CHSY3: variants seen among roughly 807,000 people sequenced by gnomAD.
CHSY3 encodes the protein N-acetylgalactosaminyl-proteoglycan 3-beta-glucuronosyltransferase 3.
Under a neutral mutation model 67.2 loss-of-function variants are expected in CHSY3, and 35 were observed. The observed-to-expected ratio is 0.52, with a 90% confidence interval of 0.40 to 0.69. The LOEUF is 0.69. Ranked by LOEUF, CHSY3 falls within the 30% of genes least tolerant of loss-of-function variation. CHSY3 has a pLI of 0.00. For missense variants in CHSY3, 1,069 were observed against 1,138.5 expected, an observed-to-expected ratio of 0.94 and a Z score of 0.88; for synonymous variants, 474 against 434.7, an observed-to-expected ratio of 1.09 and a Z score of -1.12.
At chr5:130,041,784 T>C (rs1655807980) in intron 2 of CHSY3, among the ~76,000 whole-genome samples, 3 of 152,140 alleles carry the variant, frequency 2.0e-5, no homozygotes, top group African/African-American at 7.2e-5. Flanking sequence ...ATAATGAGGA[T>C]TAAATGCATA....
intron 2 of CHSY3, among the ~76,000 whole-genome samples, chr5:130,113,112 G>A (rs747444126): frequency 7.2e-5 from 2 of 27,924 alleles, no homozygotes; most frequent in Admixed American, 5.1e-4. Flanking sequence ...GATATAATAC[G>A]TGTGTGTGTG....
chr5:129,951,055 T>C (rs1762010521), intron 2 of CHSY3, among the ~76,000 whole-genome samples: 1 of 152,026 alleles, frequency 6.6e-6, no homozygotes, highest in African/African-American at 2.4e-5. Context: ...CAAAGACCAA[T>C]AGGGCAGAAT....
intron 2 of CHSY3, among the ~76,000 whole-genome samples, chr5:130,009,480 A>C (rs1286193937): frequency 6.6e-6 from 1 of 152,046 alleles, no homozygotes; most frequent in East Asian, 1.9e-4. Flanking sequence ...CTAGACATGA[A>C]ATCAAAAGAC....
At position 129,969,856 on chromosome 5, in the gene CHSY3, G is replaced by A. The variant is rs1363301756; in HGVS notation, c.1086+61496G>A. ...TAATGCAATTAGGCAGTTTCTTTCTGTTGTATCAAAAAGAAAATAAGGAAC... is the reference window on the plus strand; with the variant it reads ...TAATGCAATTAGGCAGTTTCTTTCTATTGTATCAAAAAGAAAATAAGGAAC... On this transcript the variant is annotated intron_variant, in intron 2 of 2. Transcript: ENST00000305031. Among the ~76,000 whole-genome samples the A allele has an allele frequency of 2.6e-5, 4 of 151,908 alleles. No individual in the cohort carries two copies. The East Asian group carries it at 7.7e-4, about 29-fold the overall frequency.
chr5:130,130,218 C>G (rs990949657), intron 2 of CHSY3, among the ~76,000 whole-genome samples: 1 of 152,068 alleles, frequency 6.6e-6, no homozygotes, highest in Non-Finnish European at 1.5e-5. Flanking sequence ...CTCTTTCTCT[C>G]TCTCCTATTT....
At chr5:129,952,093 G>GA (rs1245219105) in intron 2 of CHSY3, among the ~76,000 whole-genome samples, 1 of 152,128 alleles carries the variant, frequency 6.6e-6, no homozygotes, top group African/African-American at 2.4e-5. Context: ...GGAGGTAAAG[G>GA]AAAAAGAGCT....
At chr5:130,088,772 T>G (rs1350629771) in intron 2 of CHSY3, among the ~76,000 whole-genome samples, 3 of 152,158 alleles carry the variant, frequency 2.0e-5, no homozygotes. Context: ...ACATTGTTGG[T>G]GGGACTGTAA....
intron 2 of CHSY3, among the ~76,000 whole-genome samples, chr5:129,938,010 C>T (rs1057151208): frequency 6.6e-6 from 1 of 152,178 alleles, no homozygotes; most frequent in East Asian, 1.9e-4. Context: ...TGCAGCAAAC[C>T]TCTGCCTGAA....
chr5:130,091,247 C>G (rs1031814835), intron 2 of CHSY3, among the ~76,000 whole-genome samples: 1 of 152,070 alleles, frequency 6.6e-6, no homozygotes, highest in Non-Finnish European at 1.5e-5. Flanking sequence ...GTAATTATCC[C>G]AAGTGTCCTC....
intron 2 of CHSY3, among the ~76,000 whole-genome samples, chr5:129,960,790 G>T (rs1343036379): frequency 6.6e-6 from 1 of 151,908 alleles, no homozygotes; most frequent in Non-Finnish European, 1.5e-5. Context: ...AAAATTAACA[G>T]ATTTTTGTGA....
chr5:129,916,296 AGG>A (rs1448394820), intron 2 of CHSY3, among the ~76,000 whole-genome samples: 1 of 152,138 alleles, frequency 6.6e-6, no homozygotes, highest in Non-Finnish European at 1.5e-5. Context: ...AATCAAGAGG[AGG>A]GTAGACATTA....
chr5:130,041,312 A>T (rs960142627), intron 2 of CHSY3, among the ~76,000 whole-genome samples: 1 of 152,112 alleles, frequency 6.6e-6, no homozygotes, highest in Non-Finnish European at 1.5e-5. Context: ...CTGAGACCAC[A>T]TTCTCCTGCA....
rs373325991 is a variant in CHSY3 at position 130,121,071 on chromosome 5, C to T, written c.1087-63158C>T. The stretch of plus-strand genomic sequence containing the variant: ...GGCTGGCTGTGGCCCTGACTCTTTC[C>T]TGTGATAGACTGTAAATCTCAAGGG... On this transcript the variant is annotated intron_variant, in intron 2 of 2. Coordinates refer to ENST00000305031, the MANE Select transcript of CHSY3 (RefSeq NM_175856.5). Among the ~76,000 whole-genome samples the T allele has an allele frequency of 1.1e-4, 16 of 152,276 alleles. 1 individual carries two copies. The highest frequency in any genetic ancestry group is 6.5e-4 in the Admixed American group (10 of 15,286).
chr5:130,042,068 C>T (rs1051867315), intron 2 of CHSY3, among the ~76,000 whole-genome samples: 2 of 151,976 alleles, frequency 1.3e-5, no homozygotes, highest in African/African-American at 4.8e-5. Flanking sequence ...GACCTCATCT[C>T]TACAAAATCT....
At chr5:130,033,579 C>G (rs915130375) in intron 2 of CHSY3, among the ~76,000 whole-genome samples, 4 of 152,140 alleles carry the variant, frequency 2.6e-5, no homozygotes, top group East Asian at 1.9e-4. Flanking sequence ...GGAAGACACT[C>G]CCAGGAACTG....
chr5:130,170,136 C>T (rs1309960619), intron 2 of CHSY3, among the ~76,000 whole-genome samples: 4 of 151,978 alleles, frequency 2.6e-5, no homozygotes, highest in African/African-American at 9.7e-5. Context: ...GCCCCCTTTC[C>T]ACCTCCCCGA....
chr5:130,177,530 A>G (rs1770092735), intron 2 of CHSY3, among the ~76,000 whole-genome samples: 1 of 152,042 alleles, frequency 6.6e-6, no homozygotes. Flanking sequence ...TTGTTTAGCT[A>G]TAGAATTCTA....
chr5:130,122,688 GT>G (rs1006323715), intron 2 of CHSY3, among the ~76,000 whole-genome samples: 1 of 152,108 alleles, frequency 6.6e-6, no homozygotes, highest in Non-Finnish European at 1.5e-5. Flanking sequence ...AGCGGTTTTT[GT>G]TTTTTCCAGG....
In CHSY3 at chr5:130,184,377, G is replaced by A. The variant is rs140992502; in HGVS notation, c.1235G>A (p.Arg412His). ...AGGCTGCATAATTACATGCTCAGCCGCAAAATTTCTGAACTTCGCTACCGC... is the reference window on the plus strand; with the variant it reads ...AGGCTGCATAATTACATGCTCAGCCACAAAATTTCTGAACTTCGCTACCGC... ...QYRLHNYMLS[R>H]KISELRYRTI... is the part of the protein sequence containing the mutation. Residue 412 changes from arginine (R) to histidine (H), a missense_variant, in exon 3 of 3, where the codon CGC becomes CAC. Physicochemically the swap from Arg to His is conservative, Grantham distance 29. This residue lies in a region of CHSY3 where 401 missense variants were observed against 395.2 expected (regional missense o/e 1.01). Transcript: ENST00000305031. 1.9e-4 allele frequency: 310 copies of A among 1,613,822 alleles called. No homozygotes were observed. Among genetic ancestry groups the A allele is most frequent in the Non-Finnish European group, 2.3e-4 (276 of 1,179,878 alleles).
Sources: allele counts gnomAD v4.1 joint callset (sites outside exome capture counted in the v4.1 genomes callset), GRCh38; gene constraint gnomAD v4.1.1; regional missense constraint gnomAD v4.1.1; transcripts MANE v1.5; gene names NCBI Gene and HGNC (gene_info 2026-07-23, HGNC 2026-07-21).